Variants in CHST11 observed in about 807,000 individuals in gnomAD.
CHST11 encodes C4S-1.
CHST11 carries 9 observed loss-of-function variants against 30.4 expected under a neutral mutation model. That is an observed-to-expected ratio of 0.30 (90% CI 0.18 to 0.52). The LOEUF is 0.52. Among genes scored for constraint, CHST11 ranks in the 20% least tolerant of loss-of-function variants. The pLI is 0.97. For missense variants in CHST11, 348 were observed against 460.6 expected (o/e 0.76, Z 2.24); for synonymous variants, 152 against 187.8 (o/e 0.81, Z 1.56).
chr12:104,564,723 A>G (rs2038545249), intron 1 of CHST11, among the ~76,000 whole-genome samples: 1 of 152,330 alleles, frequency 6.6e-6, no homozygotes, highest in South Asian at 2.1e-4. Flanking sequence ...GTATTCGTAC[A>G]TTTTCATACT....
At chr12:104,463,486 GTCTC>G (rs1256261795) in intron 1 of CHST11, among the ~76,000 whole-genome samples, 1 of 152,108 alleles carries the variant, frequency 6.6e-6, no homozygotes, top group East Asian at 1.9e-4. Flanking sequence ...CTGTCTGTCT[GTCTC>G]TCTCTCTTTT....
chr12:104,638,099 A>C (rs1458585220), intron 2 of CHST11, among the ~76,000 whole-genome samples: 1 of 152,158 alleles, frequency 6.6e-6, no homozygotes, highest in African/African-American at 2.4e-5. Context: ...CCTATTGTAA[A>C]ATGGGTCTTC....
intron 2 of CHST11, among the ~76,000 whole-genome samples, chr12:104,610,865 T>G (rs1345105869): frequency 6.6e-6 from 1 of 152,226 alleles, no homozygotes; most frequent in Non-Finnish European, 1.5e-5. Context: ...TTTTGAGCAC[T>G]GGAGACCTTG....
At chr12:104,666,700 T>C (rs1265267265) in intron 2 of CHST11, among the ~76,000 whole-genome samples, 1 of 152,076 alleles carries the variant, frequency 6.6e-6, no homozygotes, top group Non-Finnish European at 1.5e-5. Context: ...TGTTTCCTGA[T>C]TGAAAAAAGA....
In CHST11 at chr12:104,676,338, TGCC is replaced by T. The variant is rs2039742962; in HGVS notation, c.204+74348_204+74350del. 2.6e-5 allele frequency among the ~76,000 whole-genome samples: 4 copies of T among 152,202 alleles called. No homozygotes were observed. The highest frequency in any genetic ancestry group is 9.6e-5 in the African/African-American group (4 of 41,452). ...TCCCTTGCCTTTTTTAGCTATTAGA[TGCC>T]TTCTGAATTTTTTGGCTCATGGCCG... On this transcript the variant is annotated intron_variant, in intron 2 of 2. Coordinates refer to ENST00000303694, the MANE Select transcript of CHST11 (RefSeq NM_018413.6). The surrounding 1 kb of genome is among the most constrained non-coding windows in gnomAD (Gnocchi z 4.4).
At chr12:104,474,973 T>A (rs191360593) in intron 1 of CHST11, among the ~76,000 whole-genome samples, 6 of 152,326 alleles carry the variant, frequency 3.9e-5, no homozygotes, top group African/African-American at 1.4e-4. Flanking sequence ...GGGTTCTGAG[T>A]AAAATTTTGT....
intron 1 of CHST11, among the ~76,000 whole-genome samples, chr12:104,555,941 G>A (rs1231910825): frequency 6.6e-6 from 1 of 152,224 alleles, no homozygotes; most frequent in Admixed American, 6.5e-5. Context: ...TGTCCTCCGG[G>A]AAGGAAGGGA....
intron 1 of CHST11, among the ~76,000 whole-genome samples, chr12:104,483,177 G>A (rs1181545315): frequency 6.6e-6 from 1 of 152,122 alleles, no homozygotes; most frequent in Non-Finnish European, 1.5e-5. Context: ...CCTGAAGGCA[G>A]GTCCCTTGGT....
At chr12:104,717,598 C>G (rs2040140991) in intron 2 of CHST11, among the ~76,000 whole-genome samples, 1 of 152,076 alleles carries the variant, frequency 6.6e-6, no homozygotes, top group Non-Finnish European at 1.5e-5. Flanking sequence ...ATAGTGAAAC[C>G]CCGTCTTTAC....
In CHST11 at chr12:104,501,473, G is replaced by A. The variant is rs76625192; in HGVS notation, c.118+43944G>A. On this transcript the variant is annotated intron_variant, in intron 1 of 2. Coordinates refer to ENST00000303694, the MANE Select transcript of CHST11 (RefSeq NM_018413.6). ...ACTTTTTCTCCCTCTTAGGAAATGTGGCCTAGCATTTGGTGGTCATGTTCA... is the reference window on the plus strand; with the variant it reads ...ACTTTTTCTCCCTCTTAGGAAATGTAGCCTAGCATTTGGTGGTCATGTTCA... 7.7e-3 allele frequency among the ~76,000 whole-genome samples: 1,180 copies of A among 152,276 alleles called. 11 individuals are homozygous for A. The highest frequency in any genetic ancestry group is 0.022 in the East Asian group (113 of 5,180).
chr12:104,553,237 T>A (rs2038421524), intron 1 of CHST11: 1 of 152,080 alleles, frequency 6.6e-6, no homozygotes, highest in Admixed American at 6.5e-5. Flanking sequence ...GATGATGAAA[T>A]GGTGGTGGTG....
chr12:104,716,377 A>G (rs2040131301), intron 2 of CHST11, among the ~76,000 whole-genome samples: 1 of 152,222 alleles, frequency 6.6e-6, no homozygotes. Flanking sequence ...ACCTCATGCA[A>G]ACACTCTATG....
intron 1 of CHST11, among the ~76,000 whole-genome samples, chr12:104,520,103 TTGTC>T (rs919002354): frequency 6.6e-5 from 10 of 152,162 alleles, no homozygotes; most frequent in African/African-American, 2.2e-4. Context: ...CTGATCAAAG[TTGTC>T]TGTTGTCTTT....
chr12:104,637,340 GT>G (rs2039334895), intron 2 of CHST11, among the ~76,000 whole-genome samples: 3 of 104,034 alleles, frequency 2.9e-5, no homozygotes, highest in African/African-American at 4.3e-5. Context: ...AAAAAAGGGG[GT>G]TGGGGGAGGG....
At chr12:104,723,374 G>C (rs1477357330) in intron 2 of CHST11, among the ~76,000 whole-genome samples, 1 of 152,182 alleles carries the variant, frequency 6.6e-6, no homozygotes. Flanking sequence ...GTGGGCGTCT[G>C]GGGGGCCGTG....
At chr12:104,715,233 A>T (rs1158391068) in intron 2 of CHST11, among the ~76,000 whole-genome samples, 1 of 151,812 alleles carries the variant, frequency 6.6e-6, no homozygotes, top group Non-Finnish European at 1.5e-5. Flanking sequence ...AATTAGCTGG[A>T]TGTGGTGGTC....
chr12:104,741,819 T>C (rs1227247515), intron 2 of CHST11, among the ~76,000 whole-genome samples: 1 of 152,182 alleles, frequency 6.6e-6, no homozygotes, highest in Non-Finnish European at 1.5e-5. Flanking sequence ...ATTGGCCTGA[T>C]AGAATCATCA....
rs1842272732 is a variant in CHST11 at position 104,458,635 on chromosome 12, T to G, written c.118+1106T>G. 6.6e-6 allele frequency among the ~76,000 whole-genome samples: 1 copy of G among 152,206 alleles called. No individual in the cohort carries two copies. Among genetic ancestry groups the G allele is most frequent in the Admixed American group, 6.5e-5 (1 of 15,280 alleles). On this transcript the variant is annotated intron_variant, in intron 1 of 2. Coordinates refer to ENST00000303694, the MANE Select transcript of CHST11 (RefSeq NM_018413.6). The surrounding 1 kb of genome is among the most constrained non-coding windows in gnomAD (Gnocchi z 5.7). Reference sequence around the variant, plus strand: ...CCAAGCCGTGGCTCCCCTGCTCCCTTTTACCCTCCCTTAGCAGCCCCCTGC... The same window carrying G: ...CCAAGCCGTGGCTCCCCTGCTCCCTGTTACCCTCCCTTAGCAGCCCCCTGC...
chr12:104,462,191 AGAAAAG>A (rs2037416440), intron 1 of CHST11, among the ~76,000 whole-genome samples: 1 of 144,756 alleles, frequency 6.9e-6, no homozygotes. Context: ...AAAAAGAAAA[AGAAAAG>A]AAAAAAAGAA....
Sources: allele counts gnomAD v4.1 joint callset (sites outside exome capture counted in the v4.1 genomes callset), GRCh38; gene constraint gnomAD v4.1.1; non-coding constraint Gnocchi (gnomAD v3.1); transcripts MANE v1.5; gene names NCBI Gene and HGNC (gene_info 2026-07-23, HGNC 2026-07-21).